Variants in DYM observed in about 807,000 individuals in gnomAD.
DYM encodes dyggve-Melchior-Clausen syndrome protein.
DYM carries 78 observed loss-of-function variants against 93.1 expected under a neutral mutation model. The ratio of observed to expected loss-of-function variants is 0.84; its 90% confidence interval spans 0.70 to 1.01. DYM has a LOEUF of 1.01. Among genes scored for constraint, DYM ranks in the 50% least tolerant of loss-of-function variants. The pLI is 0.00. For missense variants in DYM, 789 were observed against 845.0 expected (o/e 0.93, Z 0.82); for synonymous variants, 321 against 319.7 (o/e 1.00, Z -0.04).
At chr18:49,424,727 C>T (rs1029031330) in intron 2 of DYM, among the ~76,000 whole-genome samples, 5 of 152,168 alleles carry the variant, frequency 3.3e-5, no homozygotes, top group African/African-American at 1.2e-4. Context: ...ATAAAAATCA[C>T]AAGCATTCTT....
intron 16 of DYM, chr18:49,114,469 C>T: frequency 1.2e-6 from 1 of 837,808 alleles, no homozygotes; most frequent in Admixed American, 6.2e-5. Flanking sequence ...ACTTAACATC[C>T]TGCTTTTACT....
intron 14 of DYM, among the ~76,000 whole-genome samples, chr18:49,207,949 G>A (rs867075235): frequency 6.6e-5 from 10 of 152,168 alleles, no homozygotes; most frequent in Middle Eastern, 6.8e-3. Flanking sequence ...TTGGGAGGCC[G>A]AGGAGGGCAG....
At chr18:49,051,611 T>C (rs1196282948) in intron 17 of DYM, among the ~76,000 whole-genome samples, 1 of 152,184 alleles carries the variant, frequency 6.6e-6, no homozygotes, top group Admixed American at 6.5e-5. Flanking sequence ...AGACTTTGCA[T>C]TGGAGATGGT....
chr18:49,380,986 A>G (rs191059549), intron 3 of DYM, among the ~76,000 whole-genome samples: 22 of 151,334 alleles, frequency 1.5e-4, no homozygotes, highest in Non-Finnish European at 2.7e-4. Flanking sequence ...AATTTCGCAT[A>G]TATTTGAACT....
intron 11 of DYM, among the ~76,000 whole-genome samples, chr18:49,263,215 T>C (rs945908889): frequency 2.6e-5 from 4 of 151,466 alleles, no homozygotes; most frequent in African/African-American, 9.7e-5. Context: ...GCCTCCTGGG[T>C]TCAAGTAATT....
At chr18:49,326,904 T>C (rs1425379923) in intron 8 of DYM, among the ~76,000 whole-genome samples, 2 of 152,100 alleles carry the variant, frequency 1.3e-5, no homozygotes, top group Non-Finnish European at 2.9e-5. Flanking sequence ...ATAAGCGATA[T>C]CCTCTTTCAG....
chr18:49,220,374 T>C (rs1225453521), intron 13 of DYM, among the ~76,000 whole-genome samples: 20 of 149,424 alleles, frequency 1.3e-4, no homozygotes, highest in African/African-American at 5.0e-4. Context: ...AAGCTACCAA[T>C]GACTTTCTTC....
chr18:49,203,705 A>C (rs915891987), intron 14 of DYM, among the ~76,000 whole-genome samples: 1 of 142,080 alleles, frequency 7.0e-6, no homozygotes, highest in East Asian at 2.0e-4. Flanking sequence ...AATCAGGGAC[A>C]CAAACACTGC....
Position 49,039,761 on chromosome 18 carries a change from C to G in DYM, c.*4294G>C, listed in dbSNP as rs1026112316. ...AATGCGCCTTTTACAGTTTCTAACT[C>G]TCTGTTGAAATTCTTGACCATGCGT... On this transcript the variant is annotated 3_prime_UTR_variant, in exon 18 of 18. Transcript: ENST00000675505. Among the ~76,000 whole-genome samples, 1 of 152,170 alleles carries G rather than the reference C, an allele frequency of 6.6e-6. No homozygotes were observed. Among genetic ancestry groups the G allele is most frequent in the Non-Finnish European group, 1.5e-5 (1 of 68,036 alleles).
At chr18:49,142,771 C>T (rs1480829895) in intron 15 of DYM, among the ~76,000 whole-genome samples, 2 of 152,144 alleles carry the variant, frequency 1.3e-5, no homozygotes, top group African/African-American at 4.8e-5. Context: ...CTGGGCATCA[C>T]TTACCAGTTA....
intron 6 of DYM, among the ~76,000 whole-genome samples, chr18:49,339,166 TCTG>T (rs2063890107): frequency 6.6e-6 from 1 of 152,372 alleles, no homozygotes; most frequent in African/African-American, 2.4e-5. Context: ...ACCCTCATGC[TCTG>T]CTGATGGGAA....
At position 49,037,678 on chromosome 18, in the gene DYM, T is replaced by C. The variant is rs576420553; in HGVS notation, c.*6377A>G. On this transcript the variant is annotated 3_prime_UTR_variant, in exon 18 of 18. Transcript: ENST00000675505. ...ATTTTCATGATCAGTTCAAAATATT[T>C]CAAATTTCCATTAAGATTCTGACAG... Among the ~76,000 whole-genome samples the C allele has an allele frequency of 7.9e-5, 12 of 152,374 alleles. No individual in the cohort carries two copies. In the South Asian group the frequency reaches 1.9e-3, roughly 24 times the overall value.
intron 15 of DYM, among the ~76,000 whole-genome samples, chr18:49,149,957 T>C (rs1248064224): frequency 1.3e-5 from 2 of 152,182 alleles, no homozygotes; most frequent in African/African-American, 2.4e-5. Flanking sequence ...TCTGCCTGCC[T>C]TGGTCTCCCA....
intron 14 of DYM, among the ~76,000 whole-genome samples, chr18:49,192,914 A>G (rs563733704): frequency 3.6e-4 from 55 of 152,294 alleles, no homozygotes; most frequent in Non-Finnish European, 1.2e-4. Flanking sequence ...TAGCGGGGAA[A>G]AGGAGATTAC....
rs968562148 is a variant in DYM, at chr18:49,042,068, T to G, written c.*1987A>C. Reference sequence around the variant, plus strand: ...ATTATTTCCCCACATAGTAAATACATATCCTTGCTACCTGAAATGATAATC... The same window carrying G: ...ATTATTTCCCCACATAGTAAATACAGATCCTTGCTACCTGAAATGATAATC... On this transcript the variant is annotated 3_prime_UTR_variant, in exon 18 of 18. Coordinates refer to ENST00000675505, the MANE Select transcript of DYM (RefSeq NM_001353214.3). 1 of 152,408 alleles carries G rather than the reference T, an allele frequency of 6.6e-6. No individual in the cohort carries two copies. The highest frequency in any genetic ancestry group is 2.4e-5 in the African/African-American group (1 of 41,460). The allele number at this position is 152,408 out of a possible 1,614,324, so 9.4% of individuals were successfully genotyped here.
At chr18:49,196,558 C>G (rs2091471328) in intron 14 of DYM, among the ~76,000 whole-genome samples, 1 of 151,648 alleles carries the variant, frequency 6.6e-6, no homozygotes, top group African/African-American at 2.4e-5. Context: ...TGAGAGGAAC[C>G]ATAATATTAA....
chr18:49,274,319 A>G (rs1334006112), intron 10 of DYM, among the ~76,000 whole-genome samples: 1 of 152,172 alleles, frequency 6.6e-6, no homozygotes, highest in Non-Finnish European at 1.5e-5. Context: ...AGTATGTATC[A>G]GGATCTCATT....
intron 14 of DYM, among the ~76,000 whole-genome samples, chr18:49,167,531 A>G (rs1483017059): frequency 6.6e-6 from 1 of 152,194 alleles, no homozygotes; most frequent in Admixed American, 6.5e-5. Flanking sequence ...AGTTTTATTT[A>G]AACATTATAA....
rs982705896 is a variant in DYM, at chr18:49,359,336, G to C, written c.494+3825C>G. Among the ~76,000 whole-genome samples, 4 of 152,118 alleles carry C rather than the reference G, an allele frequency of 2.6e-5. No homozygotes were observed. The East Asian group carries it at 7.7e-4, about 29-fold the overall frequency. ...TCTTTATTTTAAATATATAAATGCTGAGAGCTATGGAGTTAAGGAAGGACT... is the reference window on the plus strand; with the variant it reads ...TCTTTATTTTAAATATATAAATGCTCAGAGCTATGGAGTTAAGGAAGGACT... On this transcript the variant is annotated intron_variant, in intron 6 of 17. Coordinates refer to ENST00000675505, the MANE Select transcript of DYM (RefSeq NM_001353214.3).
Sources: allele counts gnomAD v4.1 joint callset (sites outside exome capture counted in the v4.1 genomes callset), GRCh38; gene constraint gnomAD v4.1.1; transcripts MANE v1.5; gene names NCBI Gene and HGNC (gene_info 2026-07-23, HGNC 2026-07-21).